Variants in TRABD2B observed in about 807,000 individuals in gnomAD.
TRABD2B encodes the protein metalloprotease TIKI2.
TRABD2B carries 14 observed loss-of-function variants against 40.1 expected under a neutral mutation model. That is an observed-to-expected ratio of 0.35 (90% CI 0.23 to 0.55). The LOEUF (loss-of-function observed/expected upper bound fraction) is 0.55, where lower values mean the gene tolerates loss of function less well. TRABD2B is among the 20% of genes least tolerant of loss of function. The probability of loss-of-function intolerance (pLI) is 0.90; values close to 1 mark genes in which losing one functional copy is unlikely to be tolerated. For synonymous variants in TRABD2B, 263 were observed against 277.0 expected, an observed-to-expected ratio of 0.95 and a Z score of 0.50; for missense variants, 541 against 648.6, an observed-to-expected ratio of 0.83 and a Z score of 1.80.
intron 2 of TRABD2B, among the ~76,000 whole-genome samples, chr1:47,982,994 G>C (rs1645862732): frequency 6.6e-6 from 1 of 152,202 alleles, no homozygotes; most frequent in South Asian, 2.1e-4. Context: ...TCTATACCCA[G>C]AGGACTATAA....
In TRABD2B at chr1:47,766,079, G is replaced by A. The variant is rs952963438; in HGVS notation, c.1377C>T (p.Pro459=). The A allele has an allele frequency of 2.9e-6, 2 of 700,502 alleles. No homozygotes were observed. The highest frequency in any genetic ancestry group is 2.0e-5 in the Admixed American group (1 of 49,812). 43.4% of individuals were successfully genotyped at this position (700,502 alleles called of 1,614,324 possible). ...DSTTASPPPL[P]LQPTHSSGTA... The stretch of plus-strand genomic sequence containing the variant: ...TCCCCGAGCTGTGGGTGGGCTGCAG[G>A]GGCAGCGGGGGTGGTGAGGCGGTGG... The change falls in exon 7 of 7, where the codon CCC becomes CCT. Residue 459 remains proline (P), a synonymous_variant. Transcript: ENST00000606738.
At chr1:47,947,609 C>T (rs1441616440) in intron 2 of TRABD2B, among the ~76,000 whole-genome samples, 1 of 151,998 alleles carries the variant, frequency 6.6e-6, no homozygotes, top group Non-Finnish European at 1.5e-5. Context: ...TGGAGGAGTT[C>T]GGGCGTCAAT....
At chr1:47,923,916 AC>A (rs1390517479) in intron 2 of TRABD2B, among the ~76,000 whole-genome samples, 3 of 2,108 alleles carry the variant, frequency 1.4e-3, no homozygotes, top group Admixed American at 5.9e-3. Context: ...ATACACACAT[AC>A]ACACACACAC....
intron 2 of TRABD2B, among the ~76,000 whole-genome samples, chr1:47,938,610 G>C (rs1645144526): frequency 6.9e-6 from 1 of 144,048 alleles, no homozygotes; most frequent in Non-Finnish European, 1.6e-5. Flanking sequence ...AGGGATCCCA[G>C]AGGAATTCTT....
chr1:47,989,535 T>C (rs537508175), intron 2 of TRABD2B, among the ~76,000 whole-genome samples: 3 of 152,316 alleles, frequency 2.0e-5, no homozygotes, highest in East Asian at 1.9e-4. Context: ...TTAGCCTATA[T>C]TGGGGGGTGT....
chr1:47,775,209 G>A lies in TRABD2B; in HGVS notation c.1310C>T (p.Pro437Leu), dbSNP rs1324799083. The change falls in exon 6 of 7, where the codon CCG becomes CTG. Residue 437 changes from proline to leucine, a missense_variant. Around this residue, in one of 2 missense-constraint regions of TRABD2B, gnomAD observed 172 missense variants for 155.8 expected, o/e 1.10. Coordinates refer to ENST00000606738, the MANE Select transcript of TRABD2B (RefSeq NM_001194986.2). ...WHKRQSTHQR[P>L]RQFNDLWVRI... ...GACCCAGAGGTCATTGAACTGCCGCGGCCGCTGGTGTGTGCTCTGCCTCTT... is the reference window on the plus strand; with the variant it reads ...GACCCAGAGGTCATTGAACTGCCGCAGCCGCTGGTGTGTGCTCTGCCTCTT... 6 of 1,240,228 alleles carry A rather than the reference G, an allele frequency of 4.8e-6. No homozygotes were observed. The highest frequency in any genetic ancestry group is 1.5e-5 in the African/African-American group (1 of 64,582). 76.8% of individuals were successfully genotyped at this position (1,240,228 alleles called of 1,614,324 possible).
intron 2 of TRABD2B, among the ~76,000 whole-genome samples, chr1:47,809,424 A>AC (rs1644933452): frequency 2.0e-5 from 3 of 152,006 alleles, no homozygotes; most frequent in Non-Finnish European, 2.9e-5. Flanking sequence ...CAGGACCCCC[A>AC]CCCTGAGCAG....
intron 2 of TRABD2B, among the ~76,000 whole-genome samples, chr1:47,916,869 G>A (rs1032449503): frequency 4.6e-5 from 7 of 152,226 alleles, no homozygotes; most frequent in African/African-American, 1.7e-4. Context: ...TGAACTGACT[G>A]TGATCCTGAG....
At chr1:47,931,655 A>AGCTGCCATCTCCCAGCCT (rs1645041818) in intron 2 of TRABD2B, among the ~76,000 whole-genome samples, 4 of 152,156 alleles carry the variant, frequency 2.6e-5, no homozygotes, top group Admixed American at 1.3e-4. Flanking sequence ...TCTCCCAGCC[A>AGCTGCCATCTCCCAGCCT]TACCTGCCTT....
At chr1:47,942,378 A>C (rs1645199792) in intron 2 of TRABD2B, among the ~76,000 whole-genome samples, 1 of 112,310 alleles carries the variant, frequency 8.9e-6, no homozygotes, top group African/African-American at 2.8e-5. Flanking sequence ...AACGGGGTGA[A>C]GGGGACGATC....
intron 4 of TRABD2B, among the ~76,000 whole-genome samples, chr1:47,783,048 C>T (rs959496274): frequency 1.3e-5 from 2 of 151,676 alleles, no homozygotes; most frequent in African/African-American, 2.4e-5. Flanking sequence ...GGGGGGGTTG[C>T]GGCACACAGA....
chr1:47,810,153 TGC>T (rs3034532), intron 2 of TRABD2B, among the ~76,000 whole-genome samples: 61,313 of 150,790 alleles, frequency 0.41, 12,753 homozygotes, highest in East Asian at 0.48. Context: ...TGTGTGTGTG[TGC>T]GCGCGCGCGC....
chr1:47,791,796 C>T (rs980580121), intron 4 of TRABD2B, among the ~76,000 whole-genome samples: 3 of 152,216 alleles, frequency 2.0e-5, no homozygotes, highest in African/African-American at 4.8e-5. Context: ...CATGCGGATG[C>T]GTTCCATGTC....
intron 2 of TRABD2B, among the ~76,000 whole-genome samples, chr1:47,817,271 G>A (rs1645046392): frequency 6.6e-6 from 1 of 151,966 alleles, no homozygotes. Flanking sequence ...CAGTCAGTGT[G>A]CTTTCTCAAA....
At chr1:47,960,563 C>T (rs1424206790) in intron 2 of TRABD2B, among the ~76,000 whole-genome samples, 3 of 152,026 alleles carry the variant, frequency 2.0e-5, no homozygotes, top group African/African-American at 7.3e-5. Flanking sequence ...CATTCCTATA[C>T]ACCAATAACA....
chr1:47,912,053 A>G (rs1262260389), intron 2 of TRABD2B, among the ~76,000 whole-genome samples: 1 of 152,108 alleles, frequency 6.6e-6, no homozygotes, highest in African/African-American at 2.4e-5. Context: ...TCTTTTTCCC[A>G]AGCCCAATTC....
At chr1:47,861,137 G>A (rs1643961724) in intron 2 of TRABD2B, among the ~76,000 whole-genome samples, 2 of 152,268 alleles carry the variant, frequency 1.3e-5, no homozygotes, top group East Asian at 1.9e-4. Flanking sequence ...TCTGGCTTAG[G>A]TGACCTCAAT....
intron 2 of TRABD2B, among the ~76,000 whole-genome samples, chr1:47,971,725 G>A (rs760044339): frequency 6.6e-6 from 1 of 152,140 alleles, no homozygotes; most frequent in Admixed American, 6.5e-5. Flanking sequence ...CCTGGATACA[G>A]CCTCAAACAA....
chr1:47,794,670 TGTAGATGAGCTCCTGGCGGAA>T lies in TRABD2B; in HGVS notation c.883_903del (p.Phe295_Tyr301del). ...CTCTTCCCCATGCGCTCATTCCTCT[TGTAGATGAGCTCCTGGCGGAA>T]GTAGCTGTCAATCTCCTGGGCCGTC... On this transcript the variant is annotated inframe_deletion, in exon 4 of 7. Transcript: ENST00000606738. 6.5e-7 allele frequency: 1 copy of T among 1,536,654 alleles called. No homozygotes were observed.
Sources: allele counts gnomAD v4.1 joint callset (sites outside exome capture counted in the v4.1 genomes callset), GRCh38; gene constraint gnomAD v4.1.1; regional missense constraint gnomAD v4.1.1; transcripts MANE v1.5; gene names NCBI Gene and HGNC (gene_info 2026-07-23, HGNC 2026-07-21).